Variants in OR56A3 observed in about 807,000 individuals in gnomAD.
The protein encoded by OR56A3 is olfactory receptor 56A3.
OR56A3 carries 23 observed loss-of-function variants against 17.5 expected under a neutral mutation model. That is an observed-to-expected ratio of 1.32 (90% CI 0.95 to 1.87). The LOEUF (loss-of-function observed/expected upper bound fraction) is 1.87. OR56A3 is among the 40% of genes most tolerant of loss of function. OR56A3 has a pLI of 0.00. For synonymous variants in OR56A3, 175 were observed against 150.6 expected (o/e 1.16, Z -1.19); for missense variants, 366 against 380.1 (o/e 0.96, Z 0.31).
At chr11:5,998,629 C>T in the OR56A3 span, among the ~76,000 whole-genome samples, 3 of 152,144 alleles carry the variant, frequency 2.0e-5, no homozygotes, top group Non-Finnish European at 4.4e-5. Context: ...AGTTATTCTA[C>T]CCCAAGAAGA....
chr11:5,986,090 G>T, the OR56A3 span: 1 of 1,613,960 alleles, frequency 6.2e-7, no homozygotes, highest in East Asian at 2.2e-5. Context: ...TGACCAAAGC[G>T]GTGAGTGAGG....
the OR56A3 span, chr11:5,985,914 G>T: frequency 2.6e-6 from 4 of 1,562,356 alleles, no homozygotes; most frequent in South Asian, 3.6e-5. Flanking sequence ...AGAAGCCTCC[G>T]AAGGAAACAA....
At chr11:6,003,633 G>GA in the OR56A3 span, among the ~76,000 whole-genome samples, 1 of 152,130 alleles carries the variant, frequency 6.6e-6, no homozygotes, top group South Asian at 2.1e-4. Flanking sequence ...AGAGTACCTA[G>GA]AAAAAACTCA....
At chr11:5,994,823 C>T in the OR56A3 span, 72 of 756,604 alleles carry the variant, frequency 9.5e-5, no homozygotes, top group Non-Finnish European at 1.4e-4. Flanking sequence ...CAGGTGCTCC[C>T]GGATTTTGCT....
the OR56A3 span, chr11:5,986,524 A>C: frequency 7.4e-6 from 12 of 1,613,824 alleles, no homozygotes; most frequent in Non-Finnish European, 1.0e-5. Context: ...ATCCAGAGCC[A>C]TGGCCACAAG....
the OR56A3 span, chr11:5,995,078 G>T: frequency 3.3e-6 from 2 of 607,910 alleles, no homozygotes; most frequent in Non-Finnish European, 6.0e-6. Flanking sequence ...CTGCTGACTG[G>T]CCGGGTGCCA....
chr11:5,944,427 A>G (rs1847856347), intron 1 of OR56A3, among the ~76,000 whole-genome samples: 1 of 152,208 alleles, frequency 6.6e-6, no homozygotes. Flanking sequence ...GACTGCTGAA[A>G]AACAGCCCTT....
the OR56A3 span, chr11:6,000,728 T>C: frequency 6.6e-6 from 1 of 151,970 alleles, no homozygotes; most frequent in African/African-American, 2.4e-5. Context: ...GAGAGCAAAA[T>C]GGGAATAAGT....
At chr11:5,945,302 C>T (rs1048893770) in intron 2 of OR56A3, among the ~76,000 whole-genome samples, 2 of 151,998 alleles carry the variant, frequency 1.3e-5, no homozygotes, top group Admixed American at 6.6e-5. Context: ...TGGCCGGGCA[C>T]GGTGGCTCAC....
At chr11:6,011,408 T>C in the OR56A3 span, among the ~76,000 whole-genome samples, 1 of 152,104 alleles carries the variant, frequency 6.6e-6, no homozygotes, top group Non-Finnish European at 1.5e-5. Flanking sequence ...TTTTAAACCC[T>C]TGTTAGCTCT....
chr11:6,007,001 C>CT, the OR56A3 span: 1 of 152,324 alleles, frequency 6.6e-6, no homozygotes, highest in East Asian at 1.9e-4. Flanking sequence ...CCTGACTCCA[C>CT]TAGTCCCTTC....
the OR56A3 span, among the ~76,000 whole-genome samples, chr11:5,982,147 C>T: frequency 6.6e-6 from 1 of 152,118 alleles, no homozygotes; most frequent in Non-Finnish European, 1.5e-5. Context: ...TGTGTTCAGG[C>T]AGTGTCAGGG....
chr11:6,017,778 A>G, the OR56A3 span, among the ~76,000 whole-genome samples: 1 of 152,230 alleles, frequency 6.6e-6, no homozygotes, highest in African/African-American at 2.4e-5. Context: ...ACTGGCTGAT[A>G]AGATTTTTTA....
chr11:5,984,031 A>T, the OR56A3 span, among the ~76,000 whole-genome samples: 1 of 152,158 alleles, frequency 6.6e-6, no homozygotes, highest in Admixed American at 6.5e-5. Context: ...AGATGGCTGG[A>T]TAATTGTGCT....
the OR56A3 span, chr11:6,002,732 G>C: frequency 6.2e-7 from 1 of 1,614,244 alleles, no homozygotes; most frequent in East Asian, 2.2e-5. Context: ...CAAACCAGAA[G>C]ATGGCCAGGA....
the OR56A3 span, among the ~76,000 whole-genome samples, chr11:5,975,020 C>A: frequency 0.27 from 40,453 of 152,102 alleles, 5,657 homozygotes; most frequent in East Asian, 0.45. Context: ...TACTGGGAAC[C>A]AACTGTAAAA....
the OR56A3 span, among the ~76,000 whole-genome samples, chr11:5,998,490 G>A: frequency 3.3e-5 from 5 of 152,190 alleles, no homozygotes; most frequent in Middle Eastern, 3.2e-3. Flanking sequence ...GCAGACAAAA[G>A]TGATAACACC....
At chr11:5,967,911 A>G in the OR56A3 span, 1 of 1,592,824 alleles carries the variant, frequency 6.3e-7, no homozygotes, top group Admixed American at 1.8e-5. Flanking sequence ...ATTCAAGGTG[A>G]TGTCATCACA....
chr11:5,986,865 G>C, the OR56A3 span: 1 of 1,613,788 alleles, frequency 6.2e-7, no homozygotes, highest in Non-Finnish European at 8.5e-7. Flanking sequence ...ATAGCCTCCA[G>C]CTTGAATTGC....
Sources: gnomAD v4.1 joint callset for allele counts (sites outside exome capture counted in the v4.1 genomes callset) on GRCh38, gnomAD v4.1.1 for gene constraint, MANE v1.5 for transcripts, NCBI Gene and HGNC (gene_info 2026-07-23, HGNC 2026-07-21) for gene names.